DSCAM: variants seen among roughly 807,000 people sequenced by gnomAD.
DSCAM encodes cell adhesion molecule DSCAM.
Under a neutral mutation model 217.7 loss-of-function variants are expected in DSCAM, and 47 were observed. That is an observed-to-expected ratio of 0.22 (90% CI 0.17 to 0.28). The LOEUF is 0.28. Among genes scored for constraint, DSCAM ranks in the 10% least tolerant of loss-of-function variants. The pLI is 1.00. For synonymous variants in DSCAM, 1,056 were observed against 1,015.3 expected, an observed-to-expected ratio of 1.04 and a Z score of -0.76; for missense variants, 2,080 against 2,618.3, an observed-to-expected ratio of 0.79 and a Z score of 4.49.
At chr21:40,238,816 G>A (rs968798637) in intron 11 of DSCAM, among the ~76,000 whole-genome samples, 6 of 152,210 alleles carry the variant, frequency 3.9e-5, no homozygotes, top group Admixed American at 1.3e-4. Flanking sequence ...AAGACTTTCC[G>A]TAATTTTCTA....
rs377688654 is a variant in DSCAM, at chr21:40,093,807, C to T, written c.3764G>A (p.Arg1255His). The T allele has an allele frequency of 7.6e-5, 123 of 1,613,890 alleles. No homozygotes were observed. Among genetic ancestry groups the T allele is most frequent in the Non-Finnish European group, 9.5e-5 (112 of 1,180,000 alleles). Residue 1255 changes from arginine to histidine, a missense_variant, in exon 21 of 33, where the codon CGT becomes CAT. By Grantham distance (29) the Arg-to-His change is conservative. Transcript: ENST00000400454. ...SYRIPNLSRNRQYSVWVVAVT... is the reference protein window; with the variant it reads ...SYRIPNLSRNHQYSVWVVAVT... ...AGCCACCACCCAGACGCTGTACTGA[C>T]GATTCCTACTCAGGTTGGGAATTCT...
intron 1 of DSCAM, among the ~76,000 whole-genome samples, chr21:40,827,344 C>A (rs940825848): frequency 2.6e-5 from 4 of 151,882 alleles, no homozygotes; most frequent in Non-Finnish European, 5.9e-5. Context: ...TGGTGCAGCA[C>A]CTGTAGTCCA....
At chr21:40,784,573 G>A (rs1034380497) in intron 1 of DSCAM, among the ~76,000 whole-genome samples, 3 of 152,246 alleles carry the variant, frequency 2.0e-5, no homozygotes, top group Non-Finnish European at 2.9e-5. Context: ...GCAATGGGCC[G>A]AATATCTGTG....
At position 40,261,436 on chromosome 21, in the gene DSCAM, A is replaced by G. The variant is rs575725809; in HGVS notation, c.2356+14661T>C. Among the ~76,000 whole-genome samples the G allele has an allele frequency of 4.6e-5, 7 of 152,252 alleles. No individual in the cohort carries two copies. In the South Asian group the frequency reaches 1.2e-3, roughly 27 times the overall value. On this transcript the variant is annotated intron_variant, in intron 11 of 32. Transcript: ENST00000400454. ...ATCCATTTAAGACCTGAAAAGAACA[A>G]AAAGATTGAGTATGAAGAAACTCTG...
At chr21:40,390,336 C>A (rs1488523825) in intron 3 of DSCAM, among the ~76,000 whole-genome samples, 1 of 152,172 alleles carries the variant, frequency 6.6e-6, no homozygotes, top group Non-Finnish European at 1.5e-5. Context: ...TCCGTAATAG[C>A]CAATCAAGAG....
At chr21:40,619,428 T>C (rs921965024) in intron 3 of DSCAM, among the ~76,000 whole-genome samples, 1 of 152,208 alleles carries the variant, frequency 6.6e-6, no homozygotes, top group African/African-American at 2.4e-5. Context: ...GTTGGGGTAA[T>C]AGTTTTTCAA....
chr21:40,671,435 G>C (rs534841369), intron 3 of DSCAM, among the ~76,000 whole-genome samples: 6 of 152,220 alleles, frequency 3.9e-5, no homozygotes, highest in African/African-American at 1.4e-4. Context: ...CAGCAGTTTG[G>C]GAGGCTGAGG....
intron 3 of DSCAM, among the ~76,000 whole-genome samples, chr21:40,497,236 A>T (rs2076126170): frequency 6.6e-6 from 1 of 152,248 alleles, no homozygotes; most frequent in Non-Finnish European, 1.5e-5. Context: ...CAAAAATTAG[A>T]ATCAACCTAA....
intron 3 of DSCAM, among the ~76,000 whole-genome samples, chr21:40,604,757 G>T (rs1234904404): frequency 6.6e-6 from 1 of 152,176 alleles, no homozygotes; most frequent in Non-Finnish European, 1.5e-5. Context: ...TGATGCTGAG[G>T]TGTTAGGGAG....
chr21:40,808,765 A>G (rs2091811400), intron 1 of DSCAM, among the ~76,000 whole-genome samples: 1 of 152,156 alleles, frequency 6.6e-6, no homozygotes, highest in African/African-American at 2.4e-5. Context: ...ATGTGCCACC[A>G]TGCCCAGGCC....
chr21:40,261,471 T>C (rs2073449388), intron 11 of DSCAM, among the ~76,000 whole-genome samples: 1 of 152,152 alleles, frequency 6.6e-6, no homozygotes, highest in South Asian at 2.1e-4. Flanking sequence ...GCCTGCCTGA[T>C]GGCTGAGCTG....
intron 14 of DSCAM, among the ~76,000 whole-genome samples, chr21:40,184,705 T>C (rs1399673380): frequency 2.0e-5 from 3 of 152,168 alleles, no homozygotes; most frequent in Non-Finnish European, 2.9e-5. Flanking sequence ...GCAATAAACA[T>C]TTACAGTATG....
At chr21:40,425,868 CTA>C (rs1424161170) in intron 3 of DSCAM, among the ~76,000 whole-genome samples, 1 of 151,988 alleles carries the variant, frequency 6.6e-6, no homozygotes, top group Non-Finnish European at 1.5e-5. Flanking sequence ...CACATGTTAA[CTA>C]TATATGTTAT....
rs1048753467 is a variant in DSCAM at position 40,012,464 on chromosome 21, G to C, written c.*570C>G. On this transcript the variant is annotated 3_prime_UTR_variant, in exon 33 of 33. Coordinates refer to ENST00000400454, the MANE Select transcript of DSCAM (RefSeq NM_001389.5). ...ATTTCGCTTAGACAAAATGCAAAGA[G>C]TGTCTCATTAAATTAAAAAAGAAAC... is the stretch of plus-strand genomic sequence containing the variant. 1 of 152,126 alleles carries C rather than the reference G, an allele frequency of 6.6e-6. No homozygotes were observed. The highest frequency in any genetic ancestry group is 1.5e-5 in the Non-Finnish European group (1 of 68,042). 9.4% of individuals were successfully genotyped at this position (152,126 alleles called of 1,614,324 possible).
intron 2 of DSCAM, among the ~76,000 whole-genome samples, chr21:40,707,457 A>G (rs1490700731): frequency 6.6e-6 from 1 of 152,224 alleles, no homozygotes; most frequent in African/African-American, 2.4e-5. Flanking sequence ...ATGACTAGCT[A>G]GCAGCATGAG....
At chr21:40,434,729 ATTAT>A (rs1434895780) in intron 3 of DSCAM, among the ~76,000 whole-genome samples, 1 of 151,916 alleles carries the variant, frequency 6.6e-6, no homozygotes, top group African/African-American at 2.4e-5. Context: ...AATTTGTGTA[ATTAT>A]TTGTTATTCT....
intron 1 of DSCAM, among the ~76,000 whole-genome samples, chr21:40,762,337 TAC>T (rs2091344423): frequency 6.6e-6 from 1 of 152,102 alleles, no homozygotes; most frequent in South Asian, 2.1e-4. Flanking sequence ...TAAACACCTC[TAC>T]ACACATAAAC....
At chr21:40,217,901 T>C (rs545424654) in intron 11 of DSCAM, among the ~76,000 whole-genome samples, 4 of 152,314 alleles carry the variant, frequency 2.6e-5, no homozygotes, top group African/African-American at 7.2e-5. Flanking sequence ...TCCTGATTAT[T>C]AGACCTTTAC....
chr21:40,642,028 C>T (rs1020097300), intron 3 of DSCAM, among the ~76,000 whole-genome samples: 4 of 102,898 alleles, frequency 3.9e-5, no homozygotes, highest in Non-Finnish European at 8.0e-5. Context: ...GCCTGGGTGA[C>T]AGAGACTCTG....
Sources: gnomAD v4.1 joint callset for allele counts (sites outside exome capture counted in the v4.1 genomes callset) on GRCh38, gnomAD v4.1.1 for gene constraint, MANE v1.5 for transcripts, NCBI Gene and HGNC (gene_info 2026-07-23, HGNC 2026-07-21) for gene names.